Variants in TMPRSS11D observed in about 807,000 individuals in gnomAD.
The protein encoded by TMPRSS11D is transmembrane serine protease 11D.
In TMPRSS11D, 32 loss-of-function variants were observed where a neutral mutation model predicts 44.4. The observed-to-expected ratio is 0.72, with a 90% CI of 0.54 to 0.97. The LOEUF (loss-of-function observed/expected upper bound fraction) is 0.97. Ranked by LOEUF, TMPRSS11D falls within the 50% of genes least tolerant of loss-of-function variation. The probability of loss-of-function intolerance (pLI) is 0.00; values close to 1 mark genes in which losing one functional copy is unlikely to be tolerated. For missense variants in TMPRSS11D, 446 were observed against 502.6 expected (o/e 0.89, Z 1.08); for synonymous variants, 179 against 177.9 (o/e 1.01, Z -0.05).
In TMPRSS11D at chr4:67,825,847, C is replaced by T; in HGVS notation, c.980G>A (p.Gly327Glu). ...ATCATTACTTATTATTCTGACCTGT[C>T]CTTGCCTTAGCTCTGGAACTGTGTG... ...AGHTVPELRQGQVRIISNDVC... is the reference protein window; with the variant it reads ...AGHTVPELRQEQVRIISNDVC... Residue 327 changes from glycine (G) to glutamate (E), a missense_variant, in exon 9 of 10, where the codon GGA (glycine) becomes GAA (glutamate). Physicochemically the swap from Gly to Glu is moderately conservative, Grantham distance 98. Coordinates refer to ENST00000283916, the MANE Select transcript of TMPRSS11D (RefSeq NM_004262.3). 1 of 1,612,558 alleles carries T rather than the reference C, an allele frequency of 6.2e-7. No homozygotes were observed. The highest frequency in any genetic ancestry group is 8.5e-7 in the Non-Finnish European group (1 of 1,179,096).
intron 1 of TMPRSS11D, among the ~76,000 whole-genome samples, chr4:67,859,959 A>G (rs1476507554): frequency 1.3e-5 from 2 of 152,092 alleles, no homozygotes; most frequent in Admixed American, 6.6e-5. Context: ...CTTTCTGCCA[A>G]TTGATAAAGT....
intron 8 of TMPRSS11D, among the ~76,000 whole-genome samples, chr4:67,826,368 T>C (rs1346379026): frequency 2.0e-5 from 3 of 152,092 alleles, no homozygotes; most frequent in Admixed American, 1.3e-4. Context: ...AAGAACACAA[T>C]AGAATGTGTT....
chr4:67,829,775 A>G (rs1717900405), intron 7 of TMPRSS11D, among the ~76,000 whole-genome samples: 1 of 152,066 alleles, frequency 6.6e-6, no homozygotes, highest in Non-Finnish European at 1.5e-5. Flanking sequence ...AAGATACTCA[A>G]ACTAGTAATC....
rs573733120 is a variant in TMPRSS11D, at chr4:67,877,760, C to T, written c.8+6166G>A. On this transcript the variant is annotated intron_variant, in intron 1 of 9. Transcript: ENST00000283916. ...AGTTGAATGTCAAATCTGGTTCTTT[C>T]GACTTCTTAGACATATCTCAAGTTG... is the stretch of plus-strand genomic sequence containing the variant. 5.9e-4 allele frequency among the ~76,000 whole-genome samples: 90 copies of T among 152,270 alleles called. No homozygotes were observed. In the South Asian group the frequency reaches 0.017, roughly 29 times the overall value.
chr4:67,823,693 G>C (rs1166766498), intron 9 of TMPRSS11D, among the ~76,000 whole-genome samples: 1 of 152,100 alleles, frequency 6.6e-6, no homozygotes. Flanking sequence ...GTGGGGAGAA[G>C]GGTCAGTGTG....
chr4:67,869,416 C>T (rs1719002445), intron 1 of TMPRSS11D, among the ~76,000 whole-genome samples: 2 of 151,856 alleles, frequency 1.3e-5, no homozygotes, highest in Non-Finnish European at 2.9e-5. Flanking sequence ...ATTATGATTA[C>T]CTATACGCTA....
chr4:67,825,860 C>A lies in TMPRSS11D; in HGVS notation c.967G>T (p.Glu323Ter), dbSNP rs746303208. The part of the protein sequence containing the change: ...AQEYAGHTVP[E>*]LRQGQVRIIS... ...ATTCTGACCTGTCCTTGCCTTAGCT[C>A]TGGAACTGTGTGGCCTGTTTGTTAT... is the stretch of plus-strand genomic sequence containing the variant. Residue 323 changes from glutamate to a stop codon, truncating the protein, a stop_gained, in exon 9 of 10, where the codon GAG becomes TAG. Transcript: ENST00000283916. LOFTEE classifies it high-confidence loss of function. The A allele has an allele frequency of 1.2e-6, 2 of 1,611,480 alleles. No individual in the cohort carries two copies. Among genetic ancestry groups the A allele is most frequent in the Non-Finnish European group, 1.7e-6 (2 of 1,178,424 alleles).
At chr4:67,852,659 T>C (rs1427118721) in intron 3 of TMPRSS11D, among the ~76,000 whole-genome samples, 1 of 152,208 alleles carries the variant, frequency 6.6e-6, no homozygotes, top group Non-Finnish European at 1.5e-5. Context: ...TTTAAATGTT[T>C]AATGAGATCA....
intron 1 of TMPRSS11D, among the ~76,000 whole-genome samples, chr4:67,879,337 C>T (rs1445226269): frequency 6.6e-6 from 1 of 151,500 alleles, no homozygotes; most frequent in Non-Finnish European, 1.5e-5. Flanking sequence ...AAAAATTAGC[C>T]GGGCGCAGTG....
At chr4:67,822,945 C>T (rs1348229936) in intron 9 of TMPRSS11D, among the ~76,000 whole-genome samples, 1 of 152,160 alleles carries the variant, frequency 6.6e-6, no homozygotes, top group Non-Finnish European at 1.5e-5. Flanking sequence ...TACACTTAAT[C>T]CCACTGGTCA....
At chr4:67,867,010 A>G (rs10013693) in intron 1 of TMPRSS11D, among the ~76,000 whole-genome samples, 102,809 of 151,650 alleles carry the variant, frequency 0.68, 35,382 homozygotes, top group Non-Finnish European at 0.75. Context: ...CCAAAAAAAG[A>G]GCCAAAGAGC....
chr4:67,823,641 T>C (rs1035673603), intron 9 of TMPRSS11D, among the ~76,000 whole-genome samples: 1 of 152,150 alleles, frequency 6.6e-6, no homozygotes, highest in Non-Finnish European at 1.5e-5. Flanking sequence ...TTGGCTGCTC[T>C]TAGTAGCTAG....
At position 67,821,522 on chromosome 4, in the gene TMPRSS11D, T is replaced by G. The variant is rs1173204067; in HGVS notation, c.*815A>C. The stretch of plus-strand genomic sequence containing the variant: ...TTTCATTCTTAAAATTATTATTTTG[T>G]TGTTAAAAAGTACTATGTAGTTGTA... On this transcript the variant is annotated 3_prime_UTR_variant, in exon 10 of 10. Transcript: ENST00000283916. The G allele has an allele frequency of 1.3e-5, 2 of 152,188 alleles. No homozygotes were observed. Among genetic ancestry groups the G allele is most frequent in the Non-Finnish European group, 2.9e-5 (2 of 68,030 alleles). The allele number at this position is 152,188 out of a possible 1,614,324, so 9.4% of individuals were successfully genotyped here.
chr4:67,859,679 C>T lies in TMPRSS11D; in HGVS notation c.9-1G>A. ...TGAAGTCGAAGTTACACGTGCTGGC[C>T]TTACAAGAGAGAGAGATCAAAGAAA... is the stretch of plus-strand genomic sequence containing the variant. On this transcript the variant is annotated splice_acceptor_variant, in intron 1 of 9. Coordinates refer to ENST00000283916, the MANE Select transcript of TMPRSS11D (RefSeq NM_004262.3). LOFTEE classifies it high-confidence loss of function. 2 of 1,612,504 alleles carry T rather than the reference C, an allele frequency of 1.2e-6. No individual in the cohort carries two copies. Among genetic ancestry groups the T allele is most frequent in the Non-Finnish European group, 1.7e-6 (2 of 1,178,936 alleles).
chr4:67,882,755 C>T (rs1299989632), intron 1 of TMPRSS11D, among the ~76,000 whole-genome samples: 2 of 152,050 alleles, frequency 1.3e-5, no homozygotes, highest in Non-Finnish European at 2.9e-5. Context: ...CATAAACTCA[C>T]TGCTTTAGTA....
At chr4:67,838,717 T>G (rs1718162147) in intron 4 of TMPRSS11D, among the ~76,000 whole-genome samples, 1 of 152,070 alleles carries the variant, frequency 6.6e-6, no homozygotes, top group Non-Finnish European at 1.5e-5. Context: ...ACACAATAAG[T>G]GTACTATAAA....
intron 1 of TMPRSS11D, among the ~76,000 whole-genome samples, chr4:67,862,420 C>T (rs1718811865): frequency 6.6e-6 from 1 of 152,090 alleles, no homozygotes; most frequent in Admixed American, 6.6e-5. Flanking sequence ...CATTGCTTCA[C>T]ACTACAGAGA....
chr4:67,827,090 C>T (rs776792270), intron 8 of TMPRSS11D, among the ~76,000 whole-genome samples, 171 bp downstream of exon 8: 13 of 152,026 alleles, frequency 8.6e-5, no homozygotes, highest in Non-Finnish European at 1.5e-4. Context: ...CATTGCTTTG[C>T]TTTGCTAAGG....
intron 1 of TMPRSS11D, among the ~76,000 whole-genome samples, chr4:67,881,018 C>T (rs955387626): frequency 2.0e-5 from 3 of 152,108 alleles, no homozygotes; most frequent in Middle Eastern, 3.2e-3. Flanking sequence ...TGGGATGGTG[C>T]TTTTGTTTTA....
Sources: allele counts gnomAD v4.1 joint callset (sites outside exome capture counted in the v4.1 genomes callset), GRCh38; gene constraint gnomAD v4.1.1; transcripts MANE v1.5; gene names NCBI Gene and HGNC (gene_info 2026-07-23, HGNC 2026-07-21).